The following PLCL1 variants were observed in gnomAD, a reference collection of about 807,000 sequenced individuals.
PLCL1 encodes the protein phospholipase C like 1 (inactive), also known as inactive phospholipase C-like protein 1.
A neutral mutation model predicts 84.4 loss-of-function variants in PLCL1; 41 were observed. The observed-to-expected ratio is 0.49, with a 90% CI of 0.38 to 0.63. The LOEUF is 0.63. PLCL1 is among the 30% of genes least tolerant of loss of function. The pLI, the probability that PLCL1 is intolerant of heterozygous loss-of-function variation, is 0.00. For missense variants in PLCL1, 1,206 were observed against 1,367.8 expected (o/e 0.88, Z 1.87); for synonymous variants, 490 against 488.3 (o/e 1.00, Z -0.05).
At chr2:197,956,034 T>C (rs948432276) in intron 1 of PLCL1, among the ~76,000 whole-genome samples, 5 of 151,954 alleles carry the variant, frequency 3.3e-5, no homozygotes, top group Non-Finnish European at 7.4e-5. Context: ...TTTGTTCTCA[T>C]TGTTCAGCTC....
intron 1 of PLCL1, among the ~76,000 whole-genome samples, chr2:197,978,177 T>C (rs968035057): frequency 2.6e-5 from 4 of 152,206 alleles, no homozygotes; most frequent in African/African-American, 9.6e-5. Context: ...GGCTGATTGA[T>C]ATAAAAAGTT....
intron 5 of PLCL1, among the ~76,000 whole-genome samples, chr2:198,124,111 G>A (rs1453719361): frequency 6.6e-6 from 1 of 152,056 alleles, no homozygotes; most frequent in Non-Finnish European, 1.5e-5. Context: ...ATTTTCTCTT[G>A]ATCTTTGGCA....
intron 1 of PLCL1, among the ~76,000 whole-genome samples, chr2:198,051,858 G>A (rs571381173): frequency 6.6e-6 from 1 of 151,470 alleles, no homozygotes; most frequent in East Asian, 1.9e-4. Flanking sequence ...TCAGCCTCCC[G>A]AGTAGCTGGG....
chr2:197,951,775 G>A (rs899762474), intron 1 of PLCL1, among the ~76,000 whole-genome samples: 2 of 152,118 alleles, frequency 1.3e-5, no homozygotes, highest in African/African-American at 4.8e-5. Context: ...GAAGACTGTT[G>A]TCATCAAAAT....
intron 1 of PLCL1, among the ~76,000 whole-genome samples, chr2:197,836,069 A>AT (rs1354599772): frequency 6.6e-6 from 1 of 152,158 alleles, no homozygotes; most frequent in East Asian, 1.9e-4. Flanking sequence ...ATAGAAATAA[A>AT]TTTTTTTGGC....
chr2:197,857,733 A>C (rs919752935), intron 1 of PLCL1, among the ~76,000 whole-genome samples: 1 of 152,188 alleles, frequency 6.6e-6, no homozygotes, highest in Non-Finnish European at 1.5e-5. Context: ...CTTATTGTGC[A>C]TAAGCAAGTT....
intron 1 of PLCL1, among the ~76,000 whole-genome samples, chr2:198,066,199 T>G (rs1422859692): frequency 6.6e-6 from 1 of 152,204 alleles, no homozygotes; most frequent in Admixed American, 6.5e-5. Flanking sequence ...AGTTATCTCA[T>G]TCAGCCCCAT....
At chr2:198,073,908 T>G (rs1692519544) in intron 1 of PLCL1, among the ~76,000 whole-genome samples, 1 of 152,212 alleles carries the variant, frequency 6.6e-6, no homozygotes, top group Non-Finnish European at 1.5e-5. Context: ...TAGAATTAGG[T>G]TTTTTAAAAA....
intron 5 of PLCL1, among the ~76,000 whole-genome samples, chr2:198,127,011 T>TGTGTGGG (rs762931586): frequency 3.5e-5 from 2 of 56,780 alleles, no homozygotes; most frequent in Admixed American, 2.1e-4. Context: ...TGTGTGTGTG[T>TGTGTGGG]GGGGGGTGGT....
intron 1 of PLCL1, among the ~76,000 whole-genome samples, chr2:197,980,932 A>G (rs145080096): frequency 1.3e-5 from 2 of 152,338 alleles, no homozygotes; most frequent in African/African-American, 4.8e-5. Flanking sequence ...GCCAGCCTCA[A>G]TGAGATCTGG....
intron 1 of PLCL1, among the ~76,000 whole-genome samples, chr2:197,985,106 T>C (rs1690194293): frequency 6.6e-6 from 1 of 152,132 alleles, no homozygotes; most frequent in African/African-American, 2.4e-5. Context: ...TGTACTACCA[T>C]GGGCAGCTGA....
intron 1 of PLCL1, among the ~76,000 whole-genome samples, chr2:197,959,258 G>A (rs573218912): frequency 6.6e-6 from 1 of 152,076 alleles, no homozygotes; most frequent in African/African-American, 2.4e-5. Context: ...TGACTGGCAG[G>A]CAGAGACCCA....
At chr2:198,018,206 C>A (rs1051042065) in intron 1 of PLCL1, among the ~76,000 whole-genome samples, 1 of 152,194 alleles carries the variant, frequency 6.6e-6, no homozygotes, top group South Asian at 2.1e-4. Flanking sequence ...GGACCAGATA[C>A]TACGCTTTTC....
intron 1 of PLCL1, among the ~76,000 whole-genome samples, chr2:197,851,389 T>C (rs934737601): frequency 6.6e-6 from 1 of 152,196 alleles, no homozygotes; most frequent in Non-Finnish European, 1.5e-5. Flanking sequence ...TAATAATCAA[T>C]CTAGAATCTG....
intron 1 of PLCL1, among the ~76,000 whole-genome samples, chr2:198,067,594 T>G (rs1692351802): frequency 6.6e-6 from 1 of 152,154 alleles, no homozygotes; most frequent in South Asian, 2.1e-4. Flanking sequence ...GAAAATACAC[T>G]TGGAACTAGA....
At chr2:197,914,932 G>A (rs543443417) in intron 1 of PLCL1, among the ~76,000 whole-genome samples, 2 of 152,312 alleles carry the variant, frequency 1.3e-5, no homozygotes, top group East Asian at 1.9e-4. Flanking sequence ...CACAGTGTCT[G>A]AGAAGGGCAT....
At chr2:197,824,182 T>C (rs1451744548) in intron 1 of PLCL1, among the ~76,000 whole-genome samples, 1 of 152,134 alleles carries the variant, frequency 6.6e-6, no homozygotes, top group African/African-American at 2.4e-5. Context: ...AGAAAAGTCC[T>C]CATAATTCTC....
intron 1 of PLCL1, among the ~76,000 whole-genome samples, chr2:198,044,912 G>T (rs1691750381): frequency 6.6e-6 from 1 of 152,110 alleles, no homozygotes; most frequent in Admixed American, 6.6e-5. Flanking sequence ...GCAAGCAAAG[G>T]TGTTAGAAGT....
At chr2:197,927,931 C>T (rs1344413930) in intron 1 of PLCL1, among the ~76,000 whole-genome samples, 4 of 152,098 alleles carry the variant, frequency 2.6e-5, no homozygotes, top group Non-Finnish European at 4.4e-5. Context: ...GTTTTCCCCT[C>T]TTTTAGGAAA....
Sources: allele counts gnomAD v4.1 joint callset (sites outside exome capture counted in the v4.1 genomes callset), GRCh38; gene constraint gnomAD v4.1.1; transcripts MANE v1.5; gene names NCBI Gene and HGNC (gene_info 2026-07-23, HGNC 2026-07-21).